The following CST3 variants were observed in gnomAD, a reference collection of about 807,000 sequenced individuals.
CST3 encodes cystatin-C.
In CST3, 14 loss-of-function variants were observed where a neutral mutation model predicts 9.0. The ratio of observed to expected loss-of-function variants is 1.56; its 90% CI spans 1.03 to 2.44. The LOEUF is 2.44. CST3 is among the 30% of genes most tolerant of loss of function. The pLI is 0.00. For synonymous variants in CST3, 96 were observed against 90.2 expected (o/e 1.06, Z -0.37); for missense variants, 237 against 204.3 (o/e 1.16, Z -0.98).
At chr20:23,632,488 C>T (rs934929011), downstream of CST3, among the ~76,000 whole-genome samples, 1 of 152,146 alleles carries the variant, frequency 6.6e-6, no homozygotes, top group Non-Finnish European at 1.5e-5. Context: ...GGGGGTGCTA[C>T]ACTTCCCTCA....
chr20:23,637,495 C>G (rs1209218092), intron 1 of CST3, 125 bp downstream of exon 1: 1 of 982,168 alleles, frequency 1.0e-6, no homozygotes, highest in South Asian at 2.1e-5. Context: ...CAGCGAAGAC[C>G]GGGAACAGGG....
exon 4 of CST3, chr20:23,628,212 T>C (rs1165591404): frequency 6.6e-6 from 1 of 152,190 alleles, no homozygotes; most frequent in African/African-American, 2.4e-5. Flanking sequence ...AGGTGCCTCA[T>C]GAAGATAGAA....
Position 23,633,701 on chromosome 20 carries a change from G to A in CST3, c.*215C>T, listed in dbSNP as rs925773161. 3.5e-5 allele frequency: 23 copies of A among 649,766 alleles called. No individual in the cohort carries two copies. Among genetic ancestry groups the A allele is most frequent in the East Asian group, 1.4e-4 (5 of 36,714 alleles). The allele number at this position is 649,766 out of a possible 1,614,324, so 40.3% of individuals were successfully genotyped here. ...TGCAGGAGGTGGGGGTGTATGCACCGCACACCGGGGCTATGAGAAGCAAGA... is the reference window on the plus strand; with the variant it reads ...TGCAGGAGGTGGGGGTGTATGCACCACACACCGGGGCTATGAGAAGCAAGA... On this transcript the variant is annotated 3_prime_UTR_variant, in exon 3 of 3. Coordinates refer to ENST00000376925, the MANE Select transcript of CST3 (RefSeq NM_000099.4).
At chr20:23,636,663 A>C (rs183741839) in intron 1 of CST3, among the ~76,000 whole-genome samples, 1 of 152,256 alleles carries the variant, frequency 6.6e-6, no homozygotes, top group East Asian at 1.9e-4. Flanking sequence ...CCTAGATCTC[A>C]TCTTGAGCAG....
Position 23,637,915 on chromosome 20 carries a change from CTAGA to C in CST3, c.-57_-54del, listed in dbSNP as rs888312563. On this transcript the variant is annotated 5_prime_UTR_variant, in exon 1 of 3. Coordinates refer to ENST00000376925, the MANE Select transcript of CST3 (RefSeq NM_000099.4). ...GTGGGGCGCAGGCGAGAGGCTGGAG[CTAGA>C]TAGAGAGGACCCGCTGCGATACCGA... The C allele has an allele frequency of 2.3e-6, 3 of 1,325,370 alleles. No homozygotes were observed. Among genetic ancestry groups the C allele is most frequent in the Admixed American group, 8.3e-5 (2 of 24,090 alleles). The allele number at this position is 1,325,370 out of a possible 1,614,324, so 82.1% of individuals were successfully genotyped here.
downstream of CST3, among the ~76,000 whole-genome samples, chr20:23,630,772 TAAAAAA>T (rs34339274): frequency 7.3e-6 from 1 of 136,630 alleles, no homozygotes; most frequent in Admixed American, 7.4e-5. Flanking sequence ...AAGGCAGAGT[TAAAAAA>T]AAAAAAAAAG....
rs11542358 is a variant in CST3 at position 23,633,870 on chromosome 20, G to A, written c.*46C>T. On this transcript the variant is annotated 3_prime_UTR_variant, in exon 3 of 3. Coordinates refer to ENST00000376925, the MANE Select transcript of CST3 (RefSeq NM_000099.4). ...AGGGGTGGGAATACAGGGGGTGGGA[G>A]GTGTGCATAAGAGGTGATAGGCACA... is the stretch of plus-strand genomic sequence containing the variant. The A allele has an allele frequency of 1.4e-6, 2 of 1,476,834 alleles. No homozygotes were observed. Among genetic ancestry groups the A allele is most frequent in the African/African-American group, 2.8e-5 (2 of 71,986 alleles). The allele number at this position is 1,476,834 out of a possible 1,614,324, so 91.5% of individuals were successfully genotyped here.
At chr20:23,633,292 G>A (rs1310999991), downstream of CST3, among the ~76,000 whole-genome samples, 3 of 152,100 alleles carry the variant, frequency 2.0e-5, no homozygotes, top group Non-Finnish European at 4.4e-5. Context: ...ATGACCTGGC[G>A]AGCTCCACCG....
chr20:23,630,754 A>G (rs1217116485), downstream of CST3, among the ~76,000 whole-genome samples: 1 of 151,106 alleles, frequency 6.6e-6, no homozygotes, highest in Non-Finnish European at 1.5e-5. Context: ...CATAAATAAT[A>G]AACCACCAAG....
chr20:23,637,551 G>A lies in CST3; in HGVS notation c.243+69C>T, dbSNP rs368940136. ...GCCGGAGAGGAGCAGCACGGGGTCCGGGAGCAGCGCGGGGGGAGGCTGGGA... is the reference window on the plus strand; with the variant it reads ...GCCGGAGAGGAGCAGCACGGGGTCCAGGAGCAGCGCGGGGGGAGGCTGGGA... On this transcript the variant is annotated intron_variant, in intron 1 of 2. Coordinates refer to ENST00000376925, the MANE Select transcript of CST3 (RefSeq NM_000099.4). 4,553 of 1,373,484 alleles carry A rather than the reference G, an allele frequency of 3.3e-3. 18 individuals are homozygous for A. The highest frequency in any genetic ancestry group is 6.6e-3 in the Middle Eastern group (25 of 3,772). 85.1% of individuals were successfully genotyped at this position (1,373,484 alleles called of 1,614,324 possible).
intron 1 of CST3, 81 bp downstream of exon 1, chr20:23,637,539 A>G (rs925010979): frequency 7.6e-7 from 1 of 1,314,368 alleles, no homozygotes; most frequent in East Asian, 3.0e-5. Context: ...GGAGAGGAGC[A>G]GCACGGGGTC....
chr20:23,636,467 A>T (rs1218930461), intron 1 of CST3, among the ~76,000 whole-genome samples: 2 of 152,150 alleles, frequency 1.3e-5, no homozygotes, highest in African/African-American at 4.8e-5. Context: ...GCTCCACCCC[A>T]GCAGGGACTC....
downstream of CST3, among the ~76,000 whole-genome samples, chr20:23,631,152 A>G (rs6114206): frequency 0.21 from 32,042 of 152,094 alleles, 3,588 homozygotes; most frequent in South Asian, 0.32. Flanking sequence ...ATTACCTAAA[A>G]GATACAAAAA....
downstream of CST3, among the ~76,000 whole-genome samples, chr20:23,633,244 C>T (rs1337247776): frequency 6.6e-6 from 1 of 152,202 alleles, no homozygotes; most frequent in Non-Finnish European, 1.5e-5. Flanking sequence ...AGCTCAGTCC[C>T]TGGGGTCTGC....
At chr20:23,634,715 G>C (rs1979592291) in intron 2 of CST3, among the ~76,000 whole-genome samples, 1 of 152,004 alleles carries the variant, frequency 6.6e-6, no homozygotes, top group African/African-American at 2.4e-5. Context: ...GGAGCTCCCA[G>C]TACCCCAATC....
intron 1 of CST3, among the ~76,000 whole-genome samples, chr20:23,635,720 G>T (rs1979648034): frequency 6.6e-6 from 1 of 152,234 alleles, no homozygotes; most frequent in South Asian, 2.1e-4. Flanking sequence ...AGTCCACAGA[G>T]CATCTCATTC....
chr20:23,630,341 A>T (rs1979406992), downstream of CST3, among the ~76,000 whole-genome samples: 1 of 152,228 alleles, frequency 6.6e-6, no homozygotes, highest in Non-Finnish European at 1.5e-5. Flanking sequence ...GCCTGAGCAC[A>T]TCTGACTCGA....
exon 4 of CST3, chr20:23,626,720 T>TAAGAATTTTATTCTTGTACAC (rs1202816023): frequency 2.2e-4 from 34 of 152,342 alleles, no homozygotes; most frequent in African/African-American, 8.2e-4. Flanking sequence ...TTGTACACTT[T>TAAGAATTTTATTCTTGTACAC]AAGAATTTTA....
chr20:23,635,206 A>C (rs73902111), intron 2 of CST3, 48 bp downstream of exon 2: 88 of 1,386,282 alleles, frequency 6.3e-5, no homozygotes, highest in Admixed American at 4.5e-4. Context: ...ACACACACAC[A>C]CCCCTCTGCA....
Sources: allele counts gnomAD v4.1 joint callset (sites outside exome capture counted in the v4.1 genomes callset), GRCh38; gene constraint gnomAD v4.1.1; transcripts MANE v1.5; gene names NCBI Gene and HGNC (gene_info 2026-07-23, HGNC 2026-07-21).